Variants in GNAI1 observed in about 807,000 individuals in gnomAD.
GNAI1 encodes the protein G protein subunit alpha i1.
GNAI1 carries 11 observed loss-of-function variants against 38.9 expected under a neutral mutation model. That is an observed-to-expected ratio of 0.28 (90% CI 0.18 to 0.47). The LOEUF is 0.47. Ranked by LOEUF, GNAI1 falls within the 20% of genes least tolerant of loss-of-function variation. GNAI1 has a pLI of 0.99. For missense variants in GNAI1, 317 were observed against 436.9 expected (o/e 0.73, Z 2.45); for synonymous variants, 166 against 145.1 (o/e 1.14, Z -1.04).
chr7:80,202,860 C>T (rs1788713442), intron 4 of GNAI1, among the ~76,000 whole-genome samples: 1 of 152,132 alleles, frequency 6.6e-6, no homozygotes, highest in East Asian at 1.9e-4. Context: ...CAACTGTTCC[C>T]ATCTCCATAC....
In GNAI1 at chr7:80,220,808, G is replaced by T. The variant is rs570739694; in HGVS notation, c.*3315G>T. ...ACCTAGAGCTTCTGACTCCATGTCTGTCAGAGGACCCCAAAGATGCTACCT... is the reference window on the plus strand; with the variant it reads ...ACCTAGAGCTTCTGACTCCATGTCTTTCAGAGGACCCCAAAGATGCTACCT... On this transcript the variant is annotated 3_prime_UTR_variant, in exon 8 of 8. Transcript: ENST00000649796. 6.6e-5 allele frequency among the ~76,000 whole-genome samples: 10 copies of T among 152,310 alleles called. No homozygotes were observed. Among genetic ancestry groups the T allele is most frequent in the African/African-American group, 2.4e-4 (10 of 41,580 alleles).
intron 1 of GNAI1, among the ~76,000 whole-genome samples, chr7:80,186,023 C>CTTTTTTTTTT (rs533371119): frequency 1.9e-5 from 2 of 103,514 alleles, no homozygotes; most frequent in Non-Finnish European, 3.8e-5. Flanking sequence ...CATCCGCACT[C>CTTTTTTTTTT]TTTTTTTTTT....
At chr7:80,196,215 C>A (rs371764705) in intron 3 of GNAI1, among the ~76,000 whole-genome samples, 2 of 152,104 alleles carry the variant, frequency 1.3e-5, no homozygotes, top group African/African-American at 4.8e-5. Context: ...TTCTCTAAAT[C>A]AACTTATTTT....
chr7:80,211,212 T>A, intron 6 of GNAI1, 114 bp downstream of exon 6: 1 of 839,390 alleles, frequency 1.2e-6, no homozygotes, highest in East Asian at 2.7e-5. Context: ...TTCCTCTAAC[T>A]TTTCTATTTG....
At chr7:80,185,213 A>G (rs1788367605) in intron 1 of GNAI1, among the ~76,000 whole-genome samples, 1 of 152,144 alleles carries the variant, frequency 6.6e-6, no homozygotes, top group Non-Finnish European at 1.5e-5. Flanking sequence ...AATTCTAGAC[A>G]GAAATATAGC....
chr7:80,197,433 T>G (rs1314718921), intron 3 of GNAI1, among the ~76,000 whole-genome samples: 1 of 152,014 alleles, frequency 6.6e-6, no homozygotes, highest in Non-Finnish European at 1.5e-5. Context: ...AGTCTTTTTT[T>G]GTCAAAAAAC....
Position 80,209,020 on chromosome 7 carries a change from G to A in GNAI1, c.591-1949G>A, listed in dbSNP as rs193007132. Among the ~76,000 whole-genome samples the A allele has an allele frequency of 5.3e-5, 8 of 152,258 alleles. No individual in the cohort carries two copies. The East Asian group carries it at 1.4e-3, about 26-fold the overall frequency. Reference sequence around the variant, plus strand: ...CATGTATTCTCTAAGACAACAGAAGGTTCTTTCCAGCTTTATTTCCATCTC... The same window carrying A: ...CATGTATTCTCTAAGACAACAGAAGATTCTTTCCAGCTTTATTTCCATCTC... On this transcript the variant is annotated intron_variant, in intron 5 of 7. Transcript: ENST00000649796.
intron 4 of GNAI1, among the ~76,000 whole-genome samples, chr7:80,199,945 G>GT (rs1331885836): frequency 1.3e-5 from 2 of 152,128 alleles, no homozygotes; most frequent in African/African-American, 4.8e-5. Flanking sequence ...TTTAAGTACA[G>GT]TTTTTTGGAA....
Position 80,220,530 on chromosome 7 carries a change from G to T in GNAI1, c.*3037G>T, listed in dbSNP as rs1294193929. On this transcript the variant is annotated 3_prime_UTR_variant, in exon 8 of 8. Transcript: ENST00000649796. ...ATCCGAGTCCTCCAGCATTGGACGAGTGAGCCAATCATTGTCCCAGTTGCC... is the reference window on the plus strand; with the variant it reads ...ATCCGAGTCCTCCAGCATTGGACGATTGAGCCAATCATTGTCCCAGTTGCC... Among the ~76,000 whole-genome samples the T allele has an allele frequency of 1.3e-5, 2 of 152,186 alleles. No individual in the cohort carries two copies. Among genetic ancestry groups the T allele is most frequent in the Non-Finnish European group, 2.9e-5 (2 of 68,040 alleles).
intron 3 of GNAI1, among the ~76,000 whole-genome samples, chr7:80,192,249 CTT>C (rs1425767940): frequency 6.6e-6 from 1 of 152,012 alleles, no homozygotes; most frequent in East Asian, 1.9e-4. Context: ...TTTAAATTCT[CTT>C]ATTTTTTTAG....
chr7:80,198,715 T>C (rs538860986), intron 3 of GNAI1, among the ~76,000 whole-genome samples: 7 of 152,286 alleles, frequency 4.6e-5, no homozygotes, highest in Admixed American at 6.5e-5. Flanking sequence ...AGTCTTCTGG[T>C]CTTGCCCACT....
At chr7:80,213,209 GA>G (rs1255435119) in intron 7 of GNAI1, among the ~76,000 whole-genome samples, 1 of 152,128 alleles carries the variant, frequency 6.6e-6, no homozygotes, top group East Asian at 1.9e-4. Context: ...CATCTAATCT[GA>G]AAGACAGACA....
intron 7 of GNAI1, 73 bp from the exon 8 acceptor site, chr7:80,217,230 G>GAAACTGACTTCAGTTTCATAGGTATA: frequency 9.9e-7 from 1 of 1,015,044 alleles, no homozygotes; most frequent in Non-Finnish European, 1.4e-6. Context: ...TCATATGTAT[G>GAAACTGACTTCAGTTTCATAGGTATA]AAACTGAATT....
rs960797236 is a variant in GNAI1, at chr7:80,179,448, T to A, written c.119-9503T>A. 2.0e-5 allele frequency among the ~76,000 whole-genome samples: 3 copies of A among 152,206 alleles called. No individual in the cohort carries two copies. In the South Asian group the frequency reaches 6.2e-4, roughly 31 times the overall value. Reference sequence around the variant, plus strand: ...CCACTGTTCTACGTATTTCTTTGGCTTATTAGGCAAACTTGTTTTACCTGC... The same window carrying A: ...CCACTGTTCTACGTATTTCTTTGGCATATTAGGCAAACTTGTTTTACCTGC... On this transcript the variant is annotated intron_variant, in intron 1 of 7. Coordinates refer to ENST00000649796, the MANE Select transcript of GNAI1 (RefSeq NM_002069.6).
chr7:80,172,791 G>C (rs779695111), intron 1 of GNAI1, among the ~76,000 whole-genome samples: 4 of 152,032 alleles, frequency 2.6e-5, no homozygotes, highest in Non-Finnish European at 5.9e-5. Flanking sequence ...ATTCACCTTA[G>C]TTTTCACGAG....
chr7:80,190,412 CT>C (rs967678282), intron 3 of GNAI1, among the ~76,000 whole-genome samples: 6 of 151,890 alleles, frequency 4.0e-5, no homozygotes, highest in African/African-American at 1.2e-4. Flanking sequence ...ATTCAGCAAA[CT>C]TTTTGAGCTC....
chr7:80,176,864 G>T (rs1788189824), intron 1 of GNAI1, among the ~76,000 whole-genome samples: 1 of 148,776 alleles, frequency 6.7e-6, no homozygotes, highest in South Asian at 2.2e-4. Context: ...TTGAACCCAG[G>T]AGGCTGAGGC....
chr7:80,167,459 A>AC (rs1381907814), intron 1 of GNAI1, among the ~76,000 whole-genome samples: 20 of 152,076 alleles, frequency 1.3e-4, no homozygotes, highest in African/African-American at 4.8e-4. Context: ...ATCCTGCCAG[A>AC]CCCGATGCTC....
At chr7:80,178,283 A>G (rs1788226655) in intron 1 of GNAI1, among the ~76,000 whole-genome samples, 2 of 152,218 alleles carry the variant, frequency 1.3e-5, no homozygotes, top group African/African-American at 4.8e-5. Context: ...TTGAAATGAC[A>G]ACAAAGGATT....
Sources: gnomAD v4.1 joint callset for allele counts (sites outside exome capture counted in the v4.1 genomes callset) on GRCh38, gnomAD v4.1.1 for gene constraint, MANE v1.5 for transcripts, NCBI Gene and HGNC (gene_info 2026-07-23, HGNC 2026-07-21) for gene names.